Variants in TANC1 observed in about 807,000 individuals in gnomAD.
The protein encoded by TANC1 is protein TANC1.
TANC1 carries 77 observed loss-of-function variants against 149.7 expected under a neutral mutation model. The ratio of observed to expected loss-of-function variants is 0.51; its 90% confidence interval spans 0.43 to 0.62. The LOEUF is 0.62. Ranked by LOEUF, TANC1 falls within the 20% of genes least tolerant of loss-of-function variation. The probability of loss-of-function intolerance (pLI) is 0.00; values close to 1 mark genes in which losing one functional copy is unlikely to be tolerated. For missense variants in TANC1, 1,985 were observed against 2,321.8 expected (o/e 0.85, Z 2.98); for synonymous variants, 854 against 925.0 (o/e 0.92, Z 1.39).
chr2:159,106,466 T>C (rs1396086503), intron 4 of TANC1, among the ~76,000 whole-genome samples: 1 of 152,214 alleles, frequency 6.6e-6, no homozygotes, highest in Non-Finnish European at 1.5e-5. Context: ...TTGTCTAGGT[T>C]CATCCAAGTT....
chr2:158,988,773 A>C lies in TANC1; in HGVS notation c.-125-12307A>C, dbSNP rs143886422. ...GAGAGAGCAGGCATTCTTTCTTCCT[A>C]CCTCATGGGGTTTTTGCAGGTGAGG... On this transcript the variant is annotated intron_variant, in intron 1 of 26. Transcript: ENST00000263635. Among the ~76,000 whole-genome samples the C allele has an allele frequency of 8.5e-5, 13 of 152,158 alleles. 1 individual carries two copies. In the East Asian group the frequency reaches 2.3e-3, roughly 27 times the overall value.
intron 2 of TANC1, among the ~76,000 whole-genome samples, chr2:159,022,804 G>A (rs149742722): frequency 1.3e-5 from 2 of 152,220 alleles, no homozygotes; most frequent in African/African-American, 2.4e-5. Flanking sequence ...ACTGGGTAAG[G>A]TCATCAGCTT....
intron 3 of TANC1, among the ~76,000 whole-genome samples, chr2:159,086,276 T>C (rs1380069518): frequency 6.6e-6 from 1 of 152,078 alleles, no homozygotes; most frequent in Non-Finnish European, 1.5e-5. Flanking sequence ...TGCAGATAGC[T>C]GGGGCAGTGA....
chr2:159,013,695 T>C (rs1381171254), intron 2 of TANC1, among the ~76,000 whole-genome samples: 3 of 152,208 alleles, frequency 2.0e-5, no homozygotes, highest in Non-Finnish European at 2.9e-5. Context: ...GTCCTCCTGA[T>C]AGGAGAGGCA....
At chr2:159,115,171 GGTGT>G (rs68140748) in intron 4 of TANC1, among the ~76,000 whole-genome samples, 52 of 149,548 alleles carry the variant, frequency 3.5e-4, no homozygotes, top group Non-Finnish European at 5.4e-4. Flanking sequence ...AGCTGGTAAG[GGTGT>G]GTGTGTGTGT....
chr2:159,167,225 G>T (rs1473830964), intron 8 of TANC1, among the ~76,000 whole-genome samples: 5 of 152,196 alleles, frequency 3.3e-5, no homozygotes, highest in Non-Finnish European at 7.3e-5. Context: ...GCTCTGAAAT[G>T]AATTACGGGT....
At chr2:159,192,804 C>G (rs1385083468) in intron 16 of TANC1, among the ~76,000 whole-genome samples, 1 of 152,144 alleles carries the variant, frequency 6.6e-6, no homozygotes, top group African/African-American at 2.4e-5. Context: ...CGTGCGCCAC[C>G]ACGCTGGCTA....
Position 159,229,884 on chromosome 2 carries a change from A to G in TANC1, c.4458A>G (p.Ser1486=). ...RSQPSSSVPS[S]YIRNLQEGLQ... is the part of the protein sequence containing the mutation. ...AGCCATCCTCATCTGTCCCTTCCTC[A>G]TACATCCGAAACCTTCAAGAAGGGT... Residue 1486 remains serine, a synonymous_variant, in exon 27 of 27, where the codon TCA becomes TCG. Transcript: ENST00000263635. 2 of 1,614,100 alleles carry G rather than the reference A, an allele frequency of 1.2e-6. No homozygotes were observed. Among genetic ancestry groups the G allele is most frequent in the South Asian group, 1.1e-5 (1 of 91,076 alleles).
intron 16 of TANC1, among the ~76,000 whole-genome samples, chr2:159,188,626 G>T (rs1230818942): frequency 6.6e-6 from 1 of 152,238 alleles, no homozygotes; most frequent in Non-Finnish European, 1.5e-5. Flanking sequence ...TCCCTTGGCC[G>T]GGAGATCCAG....
chr2:159,069,203 A>T (rs769528022), intron 3 of TANC1, among the ~76,000 whole-genome samples: 11 of 152,196 alleles, frequency 7.2e-5, no homozygotes, highest in Non-Finnish European at 2.9e-5. Context: ...GGCACGGTGG[A>T]GAATGTAATT....
At chr2:159,054,451 A>T (rs2041699926) in intron 2 of TANC1, among the ~76,000 whole-genome samples, 1 of 152,146 alleles carries the variant, frequency 6.6e-6, no homozygotes, top group African/African-American at 2.4e-5. Context: ...TCCAATCCTA[A>T]TGAAATTAGG....
At chr2:159,134,238 C>T (rs1235404161) in intron 4 of TANC1, among the ~76,000 whole-genome samples, 3 of 152,270 alleles carry the variant, frequency 2.0e-5, no homozygotes, top group South Asian at 2.1e-4. Context: ...CTAAAAGCCA[C>T]TTTAAGGCAA....
intron 22 of TANC1, among the ~76,000 whole-genome samples, chr2:159,221,294 T>A (rs1357223152): frequency 6.6e-6 from 1 of 152,120 alleles, no homozygotes; most frequent in Non-Finnish European, 1.5e-5. Context: ...GGCACGAGAA[T>A]CACTTGAACC....
At chr2:159,041,250 T>C (rs1373504914) in intron 2 of TANC1, among the ~76,000 whole-genome samples, 1 of 152,180 alleles carries the variant, frequency 6.6e-6, no homozygotes, top group African/African-American at 2.4e-5. Context: ...GGGACCCACT[T>C]GAGGAGGCAA....
At chr2:159,137,997 T>C (rs772224128) in intron 5 of TANC1, among the ~76,000 whole-genome samples, 41 of 152,354 alleles carry the variant, frequency 2.7e-4, no homozygotes, top group South Asian at 6.2e-4. Context: ...TTTTCTCCCT[T>C]GCTCAAAGCA....
chr2:159,005,777 C>G (rs2149348940), intron 2 of TANC1, among the ~76,000 whole-genome samples: 1 of 151,744 alleles, frequency 6.6e-6, no homozygotes, highest in East Asian at 1.9e-4. Flanking sequence ...CTGGTCTATT[C>G]TGAGACCACT....
chr2:159,137,536 C>T (rs2050890072), intron 5 of TANC1, among the ~76,000 whole-genome samples: 3 of 152,084 alleles, frequency 2.0e-5, no homozygotes, highest in African/African-American at 7.2e-5. Context: ...TTGTGCACAC[C>T]GAATGTTGCT....
chr2:159,152,805 C>T (rs1315206564), intron 7 of TANC1, among the ~76,000 whole-genome samples: 1 of 152,164 alleles, frequency 6.6e-6, no homozygotes, highest in African/African-American at 2.4e-5. Flanking sequence ...TAACTGAGAG[C>T]CACCCATTCG....
In TANC1 at chr2:159,225,588, G is replaced by C. The variant is rs2059975428; in HGVS notation, c.3812-100G>C. On this transcript the variant is annotated intron_variant, in intron 23 of 26. Transcript: ENST00000263635. ...ATCGTGCTGTGGTCCTTGCAGCTGG[G>C]CTCCTGCTGGTGCTGACCTCCAGCC... 2 of 865,652 alleles carry C rather than the reference G, an allele frequency of 2.3e-6. 1 individual carries two copies. The allele number at this position is 865,652 out of a possible 1,614,324, so 53.6% of individuals were successfully genotyped here.
Sources: gnomAD v4.1 joint callset for allele counts (sites outside exome capture counted in the v4.1 genomes callset) on GRCh38, gnomAD v4.1.1 for gene constraint, MANE v1.5 for transcripts, NCBI Gene and HGNC (gene_info 2026-07-23, HGNC 2026-07-21) for gene names.